The following GFUS variants were observed in gnomAD, a reference collection of about 807,000 sequenced individuals.
GFUS encodes 3-5 epimerase/4-reductase.
Under a neutral mutation model 41.5 loss-of-function variants are expected in GFUS, and 42 were observed. The observed-to-expected ratio is 1.01, with a 90% CI of 0.79 to 1.31. The LOEUF is 1.31. GFUS is among the 50% of genes most tolerant of loss of function. The pLI is 0.00. For missense variants in GFUS, 437 were observed against 428.7 expected, an observed-to-expected ratio of 1.02 and a Z score of -0.17; for synonymous variants, 188 against 173.4, an observed-to-expected ratio of 1.08 and a Z score of -0.66.
chr8:143,616,420 C>A, intron 2 of GFUS, 147 bp downstream of exon 2: 1 of 1,327,006 alleles, frequency 7.5e-7, no homozygotes, highest in Non-Finnish European at 1.1e-6. Context: ...CAGCCAAGCA[C>A]ACCCAGGCCA....
Position 143,616,097 on chromosome 8 carries a change from C to T in GFUS, c.261+9G>A, listed in dbSNP as rs1322451581. The T allele has an allele frequency of 3.8e-6, 6 of 1,561,770 alleles. No individual in the cohort carries two copies. Among genetic ancestry groups the T allele is most frequent in the Non-Finnish European group, 4.4e-6 (5 of 1,148,168 alleles). On this transcript the variant is annotated intron_variant, in intron 3 of 10. Coordinates refer to ENST00000425753, the MANE Select transcript of GFUS (RefSeq NM_003313.4). ...GTTTCCAGTGCTTGCTGGGGCCACC[C>T]TCACTTACCCAGAAGTCCAAATTGT...
rs1243549068 is a variant in GFUS at position 143,613,961 on chromosome 8, TCA to T, written c.664-146_664-145del. On this transcript the variant is annotated intron_variant, in intron 7 of 10. Transcript: ENST00000425753. Reference sequence around the variant, plus strand: ...GGGTCCCTCCTTTCTCCCTTGGAGCTCAGAGCTACGCCAGTGACTCCTGGAGA... The same window carrying T: ...GGGTCCCTCCTTTCTCCCTTGGAGCTGAGCTACGCCAGTGACTCCTGGAGA... The T allele has an allele frequency of 2.0e-5, 23 of 1,163,090 alleles. No homozygotes were observed. In the East Asian group the frequency reaches 5.4e-4, roughly 27 times the overall value. The allele number at this position is 1,163,090 out of a possible 1,614,324, so 72.0% of individuals were successfully genotyped here.
chr8:143,613,661 T>C, intron 8 of GFUS, 58 bp from the exon 9 acceptor site: 1 of 1,593,110 alleles, frequency 6.3e-7, no homozygotes, highest in Admixed American at 1.7e-5. Flanking sequence ...CCCATGAATA[T>C]TCCTGCTCCC....
chr8:143,613,168 A>T lies in GFUS; in HGVS notation c.910+28T>A, dbSNP rs201071011. ...GAGGGGCTGGGGCAGGCCTCCACCA[A>T]GTGGAGGGCTGTGGGGTCAGGGCTC... On this transcript the variant is annotated intron_variant, in intron 10 of 10. Coordinates refer to ENST00000425753, the MANE Select transcript of GFUS (RefSeq NM_003313.4). 295 of 1,595,368 alleles carry T rather than the reference A, an allele frequency of 1.8e-4. 2 individuals are homozygous for T. The African/African-American group carries it at 3.5e-3, about 19-fold the overall frequency.
intron 2 of GFUS, 136 bp from the exon 3 acceptor site, chr8:143,616,356 T>C (rs758035349): frequency 2.6e-6 from 3 of 1,150,194 alleles, no homozygotes; most frequent in Non-Finnish European, 3.9e-6. Context: ...CTGGCTGATA[T>C]GAGGGTGCAG....
rs1829735056 is a variant in GFUS at position 143,616,666 on chromosome 8, G to C, written c.47C>G (p.Ser16Cys). The change falls in exon 2 of 11, where the codon TCT (serine) becomes TGT (cysteine). Residue 16 changes from serine (S) to cysteine (C), a missense_variant. Coordinates refer to ENST00000425753, the MANE Select transcript of GFUS (RefSeq NM_003313.4). ...CTGGATGGCTTTGCCTACCAGCCCA[G>C]AGCCCCCTGTCACTAGAATCCGCAT... is the stretch of plus-strand genomic sequence containing the variant. Reference protein sequence around the residue: ...GSMRILVTGGSGLVGKAIQKV... With the variant: ...GSMRILVTGGCGLVGKAIQKV... 2.5e-6 allele frequency: 4 copies of C among 1,613,710 alleles called. No individual in the cohort carries two copies. The Admixed American group carries it at 5.0e-5, about 20-fold the overall frequency.
chr8:143,616,730 T>C lies in GFUS; in HGVS notation c.-11-7A>G. 6.2e-7 allele frequency: 1 copy of C among 1,613,478 alleles called. No homozygotes were observed. The highest frequency in any genetic ancestry group is 2.2e-5 in the East Asian group (1 of 44,870). On this transcript the variant is annotated splice_region_variant and splice_polypyrimidine_tract_variant and intron_variant, in intron 1 of 10. Transcript: ENST00000425753. ...TCACCCATGTCAGTTGCACCTGTAATGTCAAACAGTGGGAGGCTGAGGTCA... is the reference window on the plus strand; with the variant it reads ...TCACCCATGTCAGTTGCACCTGTAACGTCAAACAGTGGGAGGCTGAGGTCA...
chr8:143,613,661 T>G, intron 8 of GFUS, 58 bp from the exon 9 acceptor site: 1 of 1,593,110 alleles, frequency 6.3e-7, no homozygotes, highest in South Asian at 1.1e-5. Flanking sequence ...CCCATGAATA[T>G]TCCTGCTCCC....
At position 143,613,799 on chromosome 8, in the gene GFUS, T is replaced by C. The variant is rs1253990260; in HGVS notation, c.682A>G (p.Ile228Val). The C allele has an allele frequency of 6.4e-7, 1 of 1,550,640 alleles. No individual in the cohort carries two copies. Among genetic ancestry groups the C allele is most frequent in the Non-Finnish European group, 8.7e-7 (1 of 1,146,952 alleles). ...IYSLDLAQLF[I>V]WVLREYNEVE... ...TCATTGTACTCCCGCAGGACCCAGA[T>C]AAAGAGCTGGGCCAGGTCCTAGAGG... is the stretch of plus-strand genomic sequence containing the variant. The change falls in exon 8 of 11, where the codon ATC becomes GTC. Residue 228 changes from isoleucine to valine, a missense_variant. Physicochemically the swap from Ile to Val is conservative, Grantham distance 29. Transcript: ENST00000425753.
In GFUS at chr8:143,616,119, T is replaced by C. The variant is rs761426978; in HGVS notation, c.248A>G (p.Asn83Ser). The change falls in exon 3 of 11, where the codon AAT (asparagine) becomes AGT (serine). Residue 83 changes from asparagine to serine, a missense_variant. By Grantham distance (46) the Asn-to-Ser change is conservative. Transcript: ENST00000425753. ...VGGLFRNIKY[N>S]LDFWRKNVHM... ...ACCCTCACTTACCCAGAAGTCCAAA[T>C]TGTATTTGATATTCCGGAACAGGCC... is the stretch of plus-strand genomic sequence containing the variant. 6.3e-7 allele frequency: 1 copy of C among 1,595,022 alleles called. No individual in the cohort carries two copies. Among genetic ancestry groups the C allele is most frequent in the Non-Finnish European group, 8.6e-7 (1 of 1,167,428 alleles).
Position 143,612,884 on chromosome 8 carries a change from C to T in GFUS, c.*26G>A. On this transcript the variant is annotated 3_prime_UTR_variant, in exon 11 of 11. Coordinates refer to ENST00000425753, the MANE Select transcript of GFUS (RefSeq NM_003313.4). ...CTGGGCTCTGCCAGCCGATGGTCCG[C>T]TGGCACCTGATCCTGTCTTCCAGCT... The T allele has an allele frequency of 6.3e-7, 1 of 1,596,994 alleles. No homozygotes were observed. The highest frequency in any genetic ancestry group is 1.7e-5 in the Admixed American group (1 of 58,128).
chr8:143,613,050 G>A lies in GFUS; in HGVS notation c.911-85C>T. 7.0e-6 allele frequency: 11 copies of A among 1,575,750 alleles called. No homozygotes were observed. The South Asian group carries it at 1.1e-4, about 16-fold the overall frequency. ...GTGGGGGGAGGAGGCCCAGGGACAG[G>A]GAAGTCACCCCTCAGAGCTTTGGTG... On this transcript the variant is annotated intron_variant, in intron 10 of 10. Coordinates refer to ENST00000425753, the MANE Select transcript of GFUS (RefSeq NM_003313.4).
At position 143,614,510 on chromosome 8, in the gene GFUS, T is replaced by C. The variant is rs1300258307; in HGVS notation, c.465-57A>G. ...CTGGGCCCGCGATCCCACCCCAGGC[T>C]GCCGCTGGCCTCTTACTGAGGCTGG... On this transcript the variant is annotated intron_variant, in intron 5 of 10. Coordinates refer to ENST00000425753, the MANE Select transcript of GFUS (RefSeq NM_003313.4). The C allele has an allele frequency of 1.5e-5, 23 of 1,574,188 alleles. No individual in the cohort carries two copies. The East Asian group carries it at 4.5e-4, about 31-fold the overall frequency.
chr8:143,616,702 G>A lies in GFUS; in HGVS notation c.11C>T (p.Pro4Leu). 6.2e-7 allele frequency: 1 copy of A among 1,613,562 alleles called. No homozygotes were observed. MGE[P>L]QGSMRILVTG... ...CACTAGAATCCGCATGGATCCCTGGGGTTCACCCATGTCAGTTGCACCTGT... is the reference window on the plus strand; with the variant it reads ...CACTAGAATCCGCATGGATCCCTGGAGTTCACCCATGTCAGTTGCACCTGT... The change falls in exon 2 of 11, where the codon CCC (proline) becomes CTC (leucine). Residue 4 changes from proline (P) to leucine (L), a missense_variant. Coordinates refer to ENST00000425753, the MANE Select transcript of GFUS (RefSeq NM_003313.4).
At position 143,613,760 on chromosome 8, in the gene GFUS, T is replaced by C. The variant is rs888855876; in HGVS notation, c.721A>G (p.Ile241Val). Reference protein sequence around the residue: ...LREYNEVEPIILSVGEEDEVS... With the variant: ...LREYNEVEPIVLSVGEEDEVS... Reference sequence around the variant, plus strand: ...GGGCTGAGGTACCCACCGGAGAGGATGATGGGCTCCACTTCATTGTACTCC... The same window carrying C: ...GGGCTGAGGTACCCACCGGAGAGGACGATGGGCTCCACTTCATTGTACTCC... Residue 241 changes from isoleucine (I) to valine (V), a missense_variant, in exon 8 of 11, where the codon ATC (isoleucine) becomes GTC (valine). Transcript: ENST00000425753. 6.4e-7 allele frequency: 1 copy of C among 1,550,906 alleles called. No individual in the cohort carries two copies. Among genetic ancestry groups the C allele is most frequent in the Admixed American group, 2.0e-5 (1 of 50,986 alleles).
chr8:143,613,860 A>G lies in GFUS; in HGVS notation c.664-43T>C, dbSNP rs190708515. 6.5e-4 allele frequency: 1,009 copies of G among 1,546,204 alleles called. 4 individuals carry two copies. The African/African-American group carries it at 0.01, about 15-fold the overall frequency. ...AGGGTCAGAGACCATGGGTATAGCCAACCCTCTCCCAAACGCCCCTGCTGG... is the reference window on the plus strand; with the variant it reads ...AGGGTCAGAGACCATGGGTATAGCCGACCCTCTCCCAAACGCCCCTGCTGG... On this transcript the variant is annotated intron_variant, in intron 7 of 10. Coordinates refer to ENST00000425753, the MANE Select transcript of GFUS (RefSeq NM_003313.4).
In GFUS at chr8:143,613,529, C is replaced by T; in HGVS notation, c.805G>A (p.Val269Ile). Residue 269 changes from valine (V) to isoleucine (I), a missense_variant, in exon 9 of 11, where the codon GTC (valine) becomes ATC (isoleucine). By Grantham distance (29) the Val-to-Ile change is conservative. Coordinates refer to ENST00000425753, the MANE Select transcript of GFUS (RefSeq NM_003313.4). Reference sequence around the variant, plus strand: ...GCACTGGAGCCAGAGGATACGGTGACTTCCCCATGGAAGTCCATGGCCTCC... The same window carrying T: ...GCACTGGAGCCAGAGGATACGGTGATTTCCCCATGGAAGTCCATGGCCTCC... Reference protein sequence around the residue: ...VVEAMDFHGEVTFDTTKSDGQ... With the variant: ...VVEAMDFHGEITFDTTKSDGQ... 3 of 1,610,776 alleles carry T rather than the reference C, an allele frequency of 1.9e-6. No individual in the cohort carries two copies. The highest frequency in any genetic ancestry group is 2.5e-6 in the Non-Finnish European group (3 of 1,179,768).
Position 143,613,752 on chromosome 8 carries a change from G to T in GFUS, c.729C>A (p.Ser243=). 6.4e-7 allele frequency: 1 copy of T among 1,551,378 alleles called. No homozygotes were observed. Among genetic ancestry groups the T allele is most frequent in the African/African-American group, 1.4e-5 (1 of 73,168 alleles). ...GGGGCTGAGGGCTGAGGTACCCACC[G>T]GAGAGGATGATGGGCTCCACTTCAT... is the stretch of plus-strand genomic sequence containing the variant. ...EYNEVEPIIL[S]VGEEDEVSIK... is the part of the protein sequence containing the mutation. The change falls in exon 8 of 11, where the codon TCC becomes TCA. Residue 243 remains serine (S), a splice_region_variant and synonymous_variant. Transcript: ENST00000425753.
chr8:143,614,257 A>G (rs1281085407), intron 6 of GFUS, 29 bp from the exon 7 acceptor site: 3 of 1,613,552 alleles, frequency 1.9e-6, no homozygotes, highest in Non-Finnish European at 2.5e-6. Flanking sequence ...AGCAGGTGTC[A>G]GAGGCACTGG....
Sources: allele counts gnomAD v4.1 joint callset, GRCh38; gene constraint gnomAD v4.1.1; transcripts MANE v1.5; gene names NCBI Gene and HGNC (gene_info 2026-07-23, HGNC 2026-07-21).